RPL4: variants seen among roughly 807,000 people sequenced by gnomAD.
RPL4 encodes the protein ribosomal protein L4.
Under a neutral mutation model 47.7 loss-of-function variants are expected in RPL4, and 3 were observed. The ratio of observed to expected loss-of-function variants is 0.06; its 90% CI spans 0.03 to 0.16. RPL4 has a LOEUF of 0.16. Ranked by LOEUF, RPL4 falls within the 10% of genes least tolerant of loss-of-function variation. The probability of loss-of-function intolerance (pLI) is 1.00; values close to 1 mark genes in which losing one functional copy is unlikely to be tolerated. For synonymous variants in RPL4, 208 were observed against 182.1 expected (o/e 1.14, Z -1.15); for missense variants, 413 against 551.3 (o/e 0.75, Z 2.51).
At position 66,501,556 on chromosome 15, in the gene RPL4, G is replaced by C. The variant is rs768637369; in HGVS notation, c.547-52C>G. The stretch of plus-strand genomic sequence containing the variant: ...TGATTAAGATAGAATCTCTGCAATA[G>C]ATCTTCAGAGTTTTAATTCCTTTTT... On this transcript the variant is annotated intron_variant, in intron 5 of 9. Coordinates refer to ENST00000307961, the MANE Select transcript of RPL4 (RefSeq NM_000968.4). 13 of 1,603,442 alleles carry C rather than the reference G, an allele frequency of 8.1e-6. No homozygotes were observed. The South Asian group carries it at 1.2e-4, about 15-fold the overall frequency.
chr15:66,500,787 CA>C, intron 7 of RPL4, 161 bp downstream of exon 7: 1 of 824,376 alleles, frequency 1.2e-6, no homozygotes, highest in South Asian at 1.9e-5. Context: ...GTCTCAAAAA[CA>C]AAACAAAAAA....
chr15:66,504,750 G>T, intron 1 of RPL4, 38 bp downstream of exon 1: 1 of 1,610,388 alleles, frequency 6.2e-7, no homozygotes. Context: ...CTGGCCCCGA[G>T]ATACGGGGTA....
In RPL4 at chr15:66,500,284, T is replaced by A. The variant is rs1438543112; in HGVS notation, c.917+9A>T. On this transcript the variant is annotated intron_variant, in intron 8 of 9. Transcript: ENST00000307961. The stretch of plus-strand genomic sequence containing the variant: ...TGGGGCGAGAATTACACTCTAAGTA[T>A]CACTTTACCGTGGTGCTCGAAGGGC... 2 of 1,613,968 alleles carry A rather than the reference T, an allele frequency of 1.2e-6. No homozygotes were observed. Among genetic ancestry groups the A allele is most frequent in the African/African-American group, 2.7e-5 (2 of 74,932 alleles).
rs1893510390 is a variant in RPL4 at position 66,498,055 on chromosome 15, A to G, written c.*1352T>C. 1 of 339,978 alleles carries G rather than the reference A, an allele frequency of 2.9e-6. No individual in the cohort carries two copies. Among genetic ancestry groups the G allele is most frequent in the Non-Finnish European group, 5.5e-6 (1 of 182,762 alleles). 21.1% of individuals were successfully genotyped at this position (339,978 alleles called of 1,614,324 possible). ...CTTTAATCCGATAGGCCATTTGCGC[A>G]CCAAGTGGTCAAACACCGTTTCAAA... On this transcript the variant is annotated 3_prime_UTR_variant, in exon 10 of 10. Transcript: ENST00000307961.
At chr15:66,500,722 C>T in intron 7 of RPL4, 1 of 578,476 alleles carries the variant, frequency 1.7e-6, no homozygotes, top group Non-Finnish European at 3.0e-6. Flanking sequence ...GCGGAGGCTG[C>T]AGTAAGCCAC....
At chr15:66,502,125 G>A in intron 4 of RPL4, 2 of 714,342 alleles carry the variant, frequency 2.8e-6, no homozygotes, top group South Asian at 1.5e-5. Context: ...TACGCAACAG[G>A]CAAGTTTAAG....
chr15:66,501,929 A>G lies in RPL4; in HGVS notation c.422-17T>C. 5.0e-6 allele frequency: 8 copies of G among 1,601,544 alleles called. No individual in the cohort carries two copies. The highest frequency in any genetic ancestry group is 6.8e-6 in the Non-Finnish European group (8 of 1,175,864). Reference sequence around the variant, plus strand: ...TACGATGACCTAACAAAAACCAATGACACTTACTTGGTTATCCTGAAACTT... The same window carrying G: ...TACGATGACCTAACAAAAACCAATGGCACTTACTTGGTTATCCTGAAACTT... On this transcript the variant is annotated splice_polypyrimidine_tract_variant and intron_variant, in intron 4 of 9. Transcript: ENST00000307961.
At chr15:66,504,757 G>A in intron 1 of RPL4, 31 bp downstream of exon 1, 1 of 1,611,186 alleles carries the variant, frequency 6.2e-7, no homozygotes, top group Non-Finnish European at 8.5e-7. Context: ...CGAGATACGG[G>A]GTAAGGCCAG....
chr15:66,501,719 C>G (rs911316084), intron 5 of RPL4, 69 bp downstream of exon 5: 20 of 1,586,014 alleles, frequency 1.3e-5, no homozygotes, highest in Admixed American at 1.8e-5. Context: ...CTGCCCTTAT[C>G]TTCTGAAATT....
chr15:66,501,731 A>C, intron 5 of RPL4, 57 bp downstream of exon 5: 3 of 1,591,314 alleles, frequency 1.9e-6, no homozygotes, highest in Non-Finnish European at 2.6e-6. Flanking sequence ...TCTGAAATTC[A>C]AAGTGACAAA....
In RPL4 at chr15:66,503,633, G is replaced by A; in HGVS notation, c.4-104C>T. ...TAAATACTCAATTGCAGAAGAGACT[G>A]GTATGGTGAGGCAAACAACCCTTAA... On this transcript the variant is annotated intron_variant, in intron 1 of 9. Transcript: ENST00000307961. The A allele has an allele frequency of 4.0e-6, 5 of 1,261,410 alleles. No homozygotes were observed. In the South Asian group the frequency reaches 8.3e-5, roughly 21 times the overall value. 78.1% of individuals were successfully genotyped at this position (1,261,410 alleles called of 1,614,324 possible).
intron 7 of RPL4, 40 bp downstream of exon 7, chr15:66,500,909 C>T (rs972486801): frequency 3.2e-6 from 5 of 1,582,450 alleles, no homozygotes; most frequent in African/African-American, 2.7e-5. Flanking sequence ...TTAATATCCA[C>T]AATATAAACA....
rs1893510587 is a variant in RPL4 at position 66,498,063 on chromosome 15, G to A, written c.*1344C>T. The A allele has an allele frequency of 3.1e-6, 1 of 319,864 alleles. No individual in the cohort carries two copies. The highest frequency in any genetic ancestry group is 2.1e-5 in the African/African-American group (1 of 47,124). 19.8% of individuals were successfully genotyped at this position (319,864 alleles called of 1,614,324 possible). ...CGATAGGCCATTTGCGCACCAAGTG[G>A]TCAAACACCGTTTCAAATGACCGGG... On this transcript the variant is annotated 3_prime_UTR_variant, in exon 10 of 10. Coordinates refer to ENST00000307961, the MANE Select transcript of RPL4 (RefSeq NM_000968.4).
At chr15:66,500,831 G>T in intron 7 of RPL4, 118 bp downstream of exon 7, 1 of 1,228,346 alleles carries the variant, frequency 8.1e-7, no homozygotes, top group South Asian at 1.5e-5. Flanking sequence ...TCTCATTTTG[G>T]CATACTGTTG....
At position 66,504,803 on chromosome 15, in the gene RPL4, A is replaced by G. The variant is rs775480538; in HGVS notation, c.-13T>C. 2 of 1,611,584 alleles carry G rather than the reference A, an allele frequency of 1.2e-6. No homozygotes were observed. The highest frequency in any genetic ancestry group is 1.1e-5 in the South Asian group (1 of 90,680). ...TTCCACTCACCATGGCGGAGAGAGGAGACAGCCACGCTCCTCTCAGCCCGG... is the reference window on the plus strand; with the variant it reads ...TTCCACTCACCATGGCGGAGAGAGGGGACAGCCACGCTCCTCTCAGCCCGG... On this transcript the variant is annotated 5_prime_UTR_variant, in exon 1 of 10. Transcript: ENST00000307961.
Position 66,500,276 on chromosome 15 carries a change from T to C in RPL4, c.917+17A>G, listed in dbSNP as rs772996858. 1.9e-6 allele frequency: 3 copies of C among 1,613,838 alleles called. No individual in the cohort carries two copies. The East Asian group carries it at 6.7e-5, about 36-fold the overall frequency. On this transcript the variant is annotated intron_variant, in intron 8 of 9. Coordinates refer to ENST00000307961, the MANE Select transcript of RPL4 (RefSeq NM_000968.4). Reference sequence around the variant, plus strand: ...TATAGGGTTGGGGCGAGAATTACACTCTAAGTATCACTTTACCGTGGTGCT... The same window carrying C: ...TATAGGGTTGGGGCGAGAATTACACCCTAAGTATCACTTTACCGTGGTGCT...
chr15:66,500,420 CA>C (rs1194495607), intron 7 of RPL4, 44 bp from the exon 8 acceptor site: 4 of 1,544,392 alleles, frequency 2.6e-6, no homozygotes, highest in Non-Finnish European at 3.6e-6. Context: ...AGTAATCAAC[CA>C]AAGAACAGGA....
At position 66,501,814 on chromosome 15, in the gene RPL4, G is replaced by C. The variant is rs185729656; in HGVS notation, c.520C>G (p.Leu174Val). The C allele has an allele frequency of 6.2e-6, 10 of 1,611,516 alleles. No homozygotes were observed. In the East Asian group the frequency reaches 2.2e-4, roughly 36 times the overall value. Reference protein sequence around the residue: ...TKEAVLLLKKLKAWNDIKKVY... With the variant: ...TKEAVLLLKKVKAWNDIKKVY... ...TTTTTGATATCATTCCAGGCTTTAA[G>C]TTTCTTAAGGAGCAAAACAGCTTCC... Residue 174 changes from leucine to valine, a missense_variant, in exon 5 of 10, where the codon CTT becomes GTT. This residue lies in a region of RPL4 where 214 missense variants were observed against 304.2 expected (regional missense o/e 0.70). Transcript: ENST00000307961.
At chr15:66,501,213 G>T (rs754576907) in intron 6 of RPL4, 108 bp from the exon 7 acceptor site, 1 of 1,552,164 alleles carries the variant, frequency 6.4e-7, no homozygotes, top group South Asian at 1.1e-5. Context: ...TATTAATTAT[G>T]AAGTTTCAAC....
Sources: allele counts gnomAD v4.1 joint callset, GRCh38; gene constraint gnomAD v4.1.1; regional missense constraint gnomAD v4.1.1; transcripts MANE v1.5; gene names NCBI Gene and HGNC (gene_info 2026-07-23, HGNC 2026-07-21).